The following EIF2AK2 variants were observed in gnomAD, a reference collection of about 807,000 sequenced individuals.
EIF2AK2 encodes the protein interferon-induced, double-stranded RNA-activated protein kinase.
In EIF2AK2, 40 loss-of-function variants were observed where a neutral mutation model predicts 70.5. That is an observed-to-expected ratio of 0.57 (90% CI 0.44 to 0.74). The LOEUF (loss-of-function observed/expected upper bound fraction) is 0.74, where lower values mean the gene tolerates loss of function less well. Among genes scored for constraint, EIF2AK2 ranks in the 30% least tolerant of loss-of-function variants. The pLI is 0.00. For synonymous variants in EIF2AK2, 198 were observed against 220.9 expected, an observed-to-expected ratio of 0.90 and a Z score of 0.92; for missense variants, 555 against 644.3, an observed-to-expected ratio of 0.86 and a Z score of 1.50.
At chr2:37,136,144 T>TG (rs1675119890) in intron 9 of EIF2AK2, among the ~76,000 whole-genome samples, 1 of 152,208 alleles carries the variant, frequency 6.6e-6, no homozygotes, top group African/African-American at 2.4e-5. Context: ...ATAAGCCACC[T>TG]GCAAATGGAA....
chr2:37,145,205 C>T (rs559558610), intron 4 of EIF2AK2, among the ~76,000 whole-genome samples: 16 of 146,172 alleles, frequency 1.1e-4, no homozygotes, highest in Non-Finnish European at 1.9e-4. Context: ...TGTAGTGGCA[C>T]GATCTCGGCT....
chr2:37,146,996 T>A (rs766630151), intron 3 of EIF2AK2, 23 bp from the exon 4 acceptor site: 2 of 1,595,584 alleles, frequency 1.3e-6, no homozygotes, highest in Non-Finnish European at 1.7e-6. Flanking sequence ...AGAATATTCA[T>A]AAAATATTAT....
chr2:37,147,029 A>G, intron 3 of EIF2AK2, 56 bp from the exon 4 acceptor site: 1 of 1,532,238 alleles, frequency 6.5e-7, no homozygotes, highest in South Asian at 1.2e-5. Flanking sequence ...CTATCTAAAA[A>G]CAAGTACTCT....
chr2:37,126,623 T>C lies in EIF2AK2; in HGVS notation c.786-212A>G, dbSNP rs528317775. On this transcript the variant is annotated intron_variant, in intron 10 of 16. Coordinates refer to ENST00000233057, the MANE Select transcript of EIF2AK2 (RefSeq NM_001135651.3). Reference sequence around the variant, plus strand: ...CTCCCAGGGCAAGTCTAACGTAACATATCACCCCAGGCAGTCACAGTCAAC... The same window carrying C: ...CTCCCAGGGCAAGTCTAACGTAACACATCACCCCAGGCAGTCACAGTCAAC... Among the ~76,000 whole-genome samples, 43 of 152,040 alleles carry C rather than the reference T, an allele frequency of 2.8e-4. No individual in the cohort carries two copies. The South Asian group carries it at 8.7e-3, about 31-fold the overall frequency.
chr2:37,116,843 G>T (rs1002656063), intron 13 of EIF2AK2, among the ~76,000 whole-genome samples: 1 of 152,174 alleles, frequency 6.6e-6, no homozygotes, highest in African/African-American at 2.4e-5. Context: ...AATTGAATTT[G>T]TGAAGCCGTG....
intron 12 of EIF2AK2, among the ~76,000 whole-genome samples, chr2:37,120,508 C>CAA (rs1355178517): frequency 5.8e-4 from 4 of 6,878 alleles, no homozygotes; most frequent in African/African-American, 9.5e-4. Context: ...TTCCGTCTCA[C>CAA]AAAAAAAAAA....
intron 5 of EIF2AK2, among the ~76,000 whole-genome samples, chr2:37,140,942 G>C (rs1675309212): frequency 1.3e-5 from 2 of 151,978 alleles, no homozygotes; most frequent in African/African-American, 4.8e-5. Flanking sequence ...TTTGATTTCT[G>C]CTTTTTTCAG....
Position 37,141,563 on chromosome 2 carries a change from C to T in EIF2AK2, c.379G>A (p.Gly127Arg). ...CAAATTATGTCTTACCCTTCTGGCC[C>T]ATGCACCCCCGATGCACACTGTTCA... Reference protein sequence around the residue: ...NYEQCASGVHGPEGFHYKCKM... With the variant: ...NYEQCASGVHRPEGFHYKCKM... The change falls in exon 5 of 17, where the codon GGG becomes AGG. Residue 127 changes from glycine (G) to arginine (R), a missense_variant. By Grantham distance (125) the Gly-to-Arg change is moderately radical (BLOSUM62 -2). Transcript: ENST00000233057. 2 of 1,612,758 alleles carry T rather than the reference C, an allele frequency of 1.2e-6. No individual in the cohort carries two copies. Among genetic ancestry groups the T allele is most frequent in the Non-Finnish European group, 1.7e-6 (2 of 1,179,742 alleles).
At chr2:37,107,807 G>A (rs1404178344) in intron 15 of EIF2AK2, among the ~76,000 whole-genome samples, 1 of 152,122 alleles carries the variant, frequency 6.6e-6, no homozygotes, top group African/African-American at 2.4e-5. Flanking sequence ...TTTTACAGAG[G>A]ATAAGGTTAT....
rs570829520 is a variant in EIF2AK2, at chr2:37,151,596, A to G, written c.-183-2573T>C. Reference sequence around the variant, plus strand: ...AGCAATTCCATTCCTAGATATTTCAAAGAATTGGAAAACAGGTTTCCAAAC... The same window carrying G: ...AGCAATTCCATTCCTAGATATTTCAGAGAATTGGAAAACAGGTTTCCAAAC... On this transcript the variant is annotated intron_variant, in intron 1 of 16. Coordinates refer to ENST00000233057, the MANE Select transcript of EIF2AK2 (RefSeq NM_001135651.3). Among the ~76,000 whole-genome samples, 244 of 152,366 alleles carry G rather than the reference A, an allele frequency of 1.6e-3. 2 individuals carry two copies. Among genetic ancestry groups the G allele is most frequent in the African/African-American group, 5.5e-3 (229 of 41,586 alleles).
At chr2:37,139,608 T>C (rs918976719) in intron 6 of EIF2AK2, 23 bp downstream of exon 6, 6 of 1,601,754 alleles carry the variant, frequency 3.7e-6, no homozygotes, top group Non-Finnish European at 5.1e-6. Flanking sequence ...AACATAAAAA[T>C]TTAATCCAAA....
chr2:37,126,909 A>G (rs1674749789), intron 10 of EIF2AK2, among the ~76,000 whole-genome samples: 1 of 144,996 alleles, frequency 6.9e-6, no homozygotes, highest in African/African-American at 2.6e-5. Context: ...GTGAGCCAAG[A>G]TCACACCACT....
rs1198043244 is a variant in EIF2AK2 at position 37,154,630 on chromosome 2, G to A, written c.-184+2278C>T. Among the ~76,000 whole-genome samples the A allele has an allele frequency of 3.3e-5, 5 of 151,968 alleles. 1 individual carries two copies. Among genetic ancestry groups the A allele is most frequent in the Non-Finnish European group, 7.4e-5 (5 of 68,006 alleles). On this transcript the variant is annotated intron_variant, in intron 1 of 16. Coordinates refer to ENST00000233057, the MANE Select transcript of EIF2AK2 (RefSeq NM_001135651.3). ...GGCTGGAGTGTGATGGTGGCATCTC[G>A]GCTCGCTGCAACCTCTGCCTCCCGG...
At chr2:37,134,919 C>T (rs887684200) in intron 10 of EIF2AK2, among the ~76,000 whole-genome samples, 2 of 152,196 alleles carry the variant, frequency 1.3e-5, no homozygotes, top group African/African-American at 2.4e-5. Flanking sequence ...GGGCCATCCA[C>T]GTCATTCCTT....
At chr2:37,128,756 C>T (rs569864726) in intron 10 of EIF2AK2, among the ~76,000 whole-genome samples, 76 of 152,152 alleles carry the variant, frequency 5.0e-4, no homozygotes, top group Admixed American at 8.5e-4. Context: ...AGCCCCTATA[C>T]AAAATCCAGT....
intron 15 of EIF2AK2, among the ~76,000 whole-genome samples, chr2:37,108,992 G>T (rs1045434312): frequency 6.6e-6 from 1 of 152,208 alleles, no homozygotes; most frequent in African/African-American, 2.4e-5. Flanking sequence ...ACCTTCCAGG[G>T]AAGATCAAAG....
chr2:37,135,532 C>A lies in EIF2AK2; in HGVS notation c.737G>T (p.Arg246Ile), dbSNP rs748321333. 1 of 1,610,256 alleles carries A rather than the reference C, an allele frequency of 6.2e-7. No individual in the cohort carries two copies. Among genetic ancestry groups the A allele is most frequent in the Admixed American group, 1.7e-5 (1 of 59,446 alleles). ...QRKAKRSLAPRFDLPDMKETK... is the reference protein window; with the variant it reads ...QRKAKRSLAPIFDLPDMKETK... ...TTCTTTCATGTCAGGAAGGTCAAAT[C>A]TGGGTGCCAAAGATCTAAAAATTAA... is the stretch of plus-strand genomic sequence containing the variant. Residue 246 changes from arginine (R) to isoleucine (I), a missense_variant, in exon 10 of 17, where the codon AGA becomes ATA. Arg to Ile is a moderately conservative substitution (Grantham distance 97). This residue lies in a region of EIF2AK2 where 299 missense variants were observed against 375.4 expected (regional missense o/e 0.80). Coordinates refer to ENST00000233057, the MANE Select transcript of EIF2AK2 (RefSeq NM_001135651.3).
chr2:37,121,668 A>C (rs1301182525), intron 12 of EIF2AK2, among the ~76,000 whole-genome samples: 1 of 126,942 alleles, frequency 7.9e-6, no homozygotes, highest in Admixed American at 8.2e-5. Flanking sequence ...TTTCTGAATT[A>C]AGTTAGCCTC....
At chr2:37,130,682 C>A (rs1255657529) in intron 10 of EIF2AK2, among the ~76,000 whole-genome samples, 3 of 152,238 alleles carry the variant, frequency 2.0e-5, no homozygotes, top group Non-Finnish European at 4.4e-5. Context: ...GACGCTGACA[C>A]AGGCTACTCC....
Sources: allele counts gnomAD v4.1 joint callset (sites outside exome capture counted in the v4.1 genomes callset), GRCh38; gene constraint gnomAD v4.1.1; regional missense constraint gnomAD v4.1.1; transcripts MANE v1.5; gene names NCBI Gene and HGNC (gene_info 2026-07-23, HGNC 2026-07-21).